The following IGSF21 variants were observed in gnomAD, a reference collection of about 807,000 sequenced individuals.
IGSF21 encodes the protein immunoglobin superfamily member 21.
In IGSF21, 28 loss-of-function variants were observed where a neutral mutation model predicts 46.8. That is an observed-to-expected ratio of 0.60 (90% CI 0.44 to 0.82). The LOEUF (loss-of-function observed/expected upper bound fraction) is 0.82, where lower values mean the gene tolerates loss of function less well. IGSF21 is among the 40% of genes least tolerant of loss of function. IGSF21 has a pLI of 0.00. For missense variants in IGSF21, 624 were observed against 665.5 expected (o/e 0.94, Z 0.69); for synonymous variants, 284 against 273.6 (o/e 1.04, Z -0.38).
intron 1 of IGSF21, among the ~76,000 whole-genome samples, chr1:18,199,587 C>T (rs536900139): frequency 1.4e-4 from 22 of 152,234 alleles, no homozygotes; most frequent in African/African-American, 4.6e-4. Flanking sequence ...CTTTGGCCAT[C>T]TGCATGTGCG....
chr1:18,272,059 G>A lies in IGSF21; in HGVS notation c.184-19807G>A, dbSNP rs1053015846. Among the ~76,000 whole-genome samples, 129 of 152,278 alleles carry A rather than the reference G, an allele frequency of 8.5e-4. 2 individuals carry two copies. Among genetic ancestry groups the A allele is most frequent in the Non-Finnish European group, 4.7e-4 (32 of 68,020 alleles). ...AGGTTTAATGGACTCACAGTTTCAC[G>A]TGGCCAGGGAAGCCTCATAATCATG... On this transcript the variant is annotated intron_variant, in intron 2 of 9. Transcript: ENST00000251296.
At chr1:18,154,169 G>A (rs1000941298) in intron 1 of IGSF21, among the ~76,000 whole-genome samples, 1 of 151,998 alleles carries the variant, frequency 6.6e-6, no homozygotes, top group Non-Finnish European at 1.5e-5. Context: ...CTTCCCTATC[G>A]CCTTCACCTG....
At chr1:18,364,577 AG>A in intron 5 of IGSF21, among the ~76,000 whole-genome samples, 1 of 152,234 alleles carries the variant, frequency 6.6e-6, no homozygotes, top group South Asian at 2.1e-4. Flanking sequence ...CAAAATAAAA[AG>A]ACAGCAAATT....
chr1:18,273,037 A>ATTTTTTTTTT (rs2085057685), intron 2 of IGSF21, among the ~76,000 whole-genome samples: 2 of 90,212 alleles, frequency 2.2e-5, no homozygotes, highest in African/African-American at 9.4e-5. Flanking sequence ...AGCCAGACGG[A>ATTTTTTTTTT]TCTTTTTTTT....
chr1:18,155,073 C>T (rs1244774057), intron 1 of IGSF21, among the ~76,000 whole-genome samples: 1 of 152,094 alleles, frequency 6.6e-6, no homozygotes, highest in Non-Finnish European at 1.5e-5. Context: ...CTCCAGGCAG[C>T]CTTCCAGGAT....
At chr1:18,370,620 A>G (rs1446835119) in intron 6 of IGSF21, among the ~76,000 whole-genome samples, 1 of 152,220 alleles carries the variant, frequency 6.6e-6, no homozygotes, top group Non-Finnish European at 1.5e-5. Flanking sequence ...ACTTAATCAA[A>G]AATTAAATCT....
chr1:18,282,165 C>T (rs891543682), intron 2 of IGSF21, among the ~76,000 whole-genome samples: 3 of 152,126 alleles, frequency 2.0e-5, no homozygotes, highest in Non-Finnish European at 4.4e-5. Context: ...AGGAGTGGGC[C>T]TGGGGGTTCC....
chr1:18,163,506 C>T (rs1328351848), intron 1 of IGSF21, among the ~76,000 whole-genome samples: 1 of 152,172 alleles, frequency 6.6e-6, no homozygotes, highest in African/African-American at 2.4e-5. Context: ...CACATTTGCA[C>T]AGGGTTAGAG....
chr1:18,269,405 T>C (rs2085021875), intron 2 of IGSF21, among the ~76,000 whole-genome samples: 1 of 152,124 alleles, frequency 6.6e-6, no homozygotes, highest in Non-Finnish European at 1.5e-5. Flanking sequence ...GGGGAGGACT[T>C]GTTGGAGGAG....
At position 18,359,385 on chromosome 1, in the gene IGSF21, A is replaced by AGAAT. The variant is rs1557659641; in HGVS notation, c.425-2729_425-2728insAATG. Among the ~76,000 whole-genome samples, 85 of 68,528 alleles carry AGAAT rather than the reference A, an allele frequency of 1.2e-3. 1 individual carries two copies. The highest frequency in any genetic ancestry group is 4.6e-3 in the African/African-American group (77 of 16,570). 45.0% of individuals were successfully genotyped at this position (68,528 alleles called of 152,430 possible). A position where few individuals can be genotyped will look rare whatever the true frequency, so the allele number is the denominator to read the frequency against. ...AAGAAAGAAAGAAAGAAAGAAAGAA[A>AGAAT]GGAAGGAAGGAAGGAAGGAAGGAAG... On this transcript the variant is annotated intron_variant, in intron 4 of 9. Coordinates refer to ENST00000251296, the MANE Select transcript of IGSF21 (RefSeq NM_032880.5).
intron 2 of IGSF21, among the ~76,000 whole-genome samples, chr1:18,249,435 G>T (rs2084815412): frequency 6.6e-6 from 1 of 152,166 alleles, no homozygotes; most frequent in African/African-American, 2.4e-5. Context: ...GGCTGAGTGA[G>T]AACGTGGAGG....
In IGSF21 at chr1:18,288,695, G is replaced by A. The variant is rs143150639; in HGVS notation, c.184-3171G>A. Among the ~76,000 whole-genome samples the A allele has an allele frequency of 1.6e-3, 244 of 152,282 alleles. 4 individuals carry two copies. The highest frequency in any genetic ancestry group is 5.5e-3 in the African/African-American group (228 of 41,550). On this transcript the variant is annotated intron_variant, in intron 2 of 9. Transcript: ENST00000251296. Reference sequence around the variant, plus strand: ...CATCCTTGCAAATAGCTGCTAGCCCGCTGGCCCCACCTGAGCGTGTCTGAG... The same window carrying A: ...CATCCTTGCAAATAGCTGCTAGCCCACTGGCCCCACCTGAGCGTGTCTGAG...
intron 1 of IGSF21, among the ~76,000 whole-genome samples, chr1:18,198,305 T>A (rs911264873): frequency 7.2e-5 from 11 of 152,062 alleles, no homozygotes; most frequent in African/African-American, 2.7e-4. Flanking sequence ...GCCCAAGTCA[T>A]AAGTGGCAGC....
chr1:18,189,401 G>T (rs146030029), intron 1 of IGSF21, among the ~76,000 whole-genome samples: 2,025 of 152,286 alleles, frequency 0.013, 38 homozygotes, highest in African/African-American at 0.046. Flanking sequence ...AACCAGTTTC[G>T]TGGAGGATGA....
At chr1:18,260,286 G>A (rs2084934464) in intron 2 of IGSF21, among the ~76,000 whole-genome samples, 1 of 152,240 alleles carries the variant, frequency 6.6e-6, no homozygotes, top group Non-Finnish European at 1.5e-5. Flanking sequence ...CAGCCAAGAA[G>A]CAAGAGGCCC....
intron 1 of IGSF21, among the ~76,000 whole-genome samples, chr1:18,146,190 T>A (rs2086465213): frequency 6.6e-6 from 1 of 152,174 alleles, no homozygotes; most frequent in South Asian, 2.1e-4. Context: ...CTCCCCACTC[T>A]CCATTAGTTT....
chr1:18,119,119 TCCTTCCTC>T (rs902005352), intron 1 of IGSF21, among the ~76,000 whole-genome samples: 10 of 151,842 alleles, frequency 6.6e-5, no homozygotes, highest in Non-Finnish European at 1.5e-4. Flanking sequence ...TTCCCTTCTT[TCCTTCCTC>T]CCTTCCTCCC....
chr1:18,344,126 C>T (rs2124614708), intron 4 of IGSF21, among the ~76,000 whole-genome samples: 1 of 152,294 alleles, frequency 6.6e-6, no homozygotes, highest in South Asian at 2.1e-4. Flanking sequence ...CAGCCTGGCA[C>T]TCCCCTCTGG....
At chr1:18,131,569 C>T (rs909897596) in intron 1 of IGSF21, among the ~76,000 whole-genome samples, 2 of 152,186 alleles carry the variant, frequency 1.3e-5, no homozygotes, top group African/African-American at 4.8e-5. Flanking sequence ...TTATATTAGC[C>T]ATGGTAACAC....
Sources: allele counts gnomAD v4.1 joint callset (sites outside exome capture counted in the v4.1 genomes callset), GRCh38; gene constraint gnomAD v4.1.1; transcripts MANE v1.5; gene names NCBI Gene and HGNC (gene_info 2026-07-23, HGNC 2026-07-21).